Variants in TMEM117 observed in about 807,000 individuals in gnomAD.
The protein encoded by TMEM117 is transmembrane protein 117.
In TMEM117, 27 loss-of-function variants were observed where a neutral mutation model predicts 52.4. That is an observed-to-expected ratio of 0.51 (90% CI 0.38 to 0.71). TMEM117 has a LOEUF of 0.71. TMEM117 is among the 30% of genes least tolerant of loss of function. The pLI is 0.00. For missense variants in TMEM117, 556 were observed against 630.5 expected (o/e 0.88, Z 1.26); for synonymous variants, 215 against 206.3 (o/e 1.04, Z -0.36).
intron 3 of TMEM117, among the ~76,000 whole-genome samples, chr12:44,014,408 T>C (rs1443953380): frequency 2.6e-5 from 4 of 152,096 alleles, no homozygotes. Context: ...TCTCATAACC[T>C]AACATGAAGT....
intron 5 of TMEM117, among the ~76,000 whole-genome samples, chr12:44,294,702 C>T (rs1182591578): frequency 3.3e-5 from 5 of 152,108 alleles, no homozygotes; most frequent in African/African-American, 1.2e-4. Flanking sequence ...ACACAAACTG[C>T]AATACCACAC....
At chr12:44,191,090 A>G (rs942908520) in intron 4 of TMEM117, among the ~76,000 whole-genome samples, 42 of 152,034 alleles carry the variant, frequency 2.8e-4, no homozygotes, top group African/African-American at 9.6e-4. Flanking sequence ...GAAACTTACA[A>G]TCATGGTGGA....
At chr12:44,391,198 TTATAAAG>T (rs1388429850), downstream of TMEM117, among the ~76,000 whole-genome samples, 1 of 152,116 alleles carries the variant, frequency 6.6e-6, no homozygotes, top group Non-Finnish European at 1.5e-5. Flanking sequence ...TATCCTACAT[TTATAAAG>T]TACTTCATTA....
At chr12:44,078,829 A>G (rs1250227410) in intron 3 of TMEM117, among the ~76,000 whole-genome samples, 2 of 151,782 alleles carry the variant, frequency 1.3e-5, no homozygotes, top group Non-Finnish European at 2.9e-5. Flanking sequence ...CACCTACATT[A>G]GGTATTTCTT....
chr12:44,024,286 G>A (rs141942640), intron 3 of TMEM117, among the ~76,000 whole-genome samples: 1 of 152,302 alleles, frequency 6.6e-6, no homozygotes, highest in East Asian at 1.9e-4. Context: ...CAGCAGAAAT[G>A]CCTTTGATGG....
At chr12:43,870,448 G>A (rs1406402774) in intron 2 of TMEM117, among the ~76,000 whole-genome samples, 2 of 151,808 alleles carry the variant, frequency 1.3e-5, no homozygotes, top group Non-Finnish European at 2.9e-5. Context: ...TAGTAGAGAC[G>A]GGATTTCACC....
intron 6 of TMEM117, among the ~76,000 whole-genome samples, chr12:44,354,700 A>G (rs1317762694): frequency 6.6e-6 from 1 of 151,948 alleles, no homozygotes; most frequent in Non-Finnish European, 1.5e-5. Flanking sequence ...TGACAAACCC[A>G]CAGCCAATAT....
At chr12:44,144,919 A>G (rs1374523126) in intron 4 of TMEM117, among the ~76,000 whole-genome samples, 9 of 152,308 alleles carry the variant, frequency 5.9e-5, no homozygotes, top group African/African-American at 1.7e-4. Flanking sequence ...GCACTTTGGG[A>G]GGCCGAGGCG....
chr12:43,895,450 A>G (rs1944182732), intron 2 of TMEM117, among the ~76,000 whole-genome samples: 4 of 152,208 alleles, frequency 2.6e-5, no homozygotes, highest in Admixed American at 2.6e-4. Context: ...ATAGTGCAGC[A>G]ATGAACATAT....
At chr12:43,933,422 C>T (rs964416792) in intron 2 of TMEM117, among the ~76,000 whole-genome samples, 7 of 151,882 alleles carry the variant, frequency 4.6e-5, no homozygotes, top group Admixed American at 2.0e-4. Context: ...AGGATGGTCT[C>T]GATCTCCTGA....
intron 1 of TMEM117, among the ~76,000 whole-genome samples, chr12:43,837,893 A>G (rs1383689804): frequency 6.6e-6 from 1 of 152,192 alleles, no homozygotes; most frequent in Non-Finnish European, 1.5e-5. Flanking sequence ...GGGAAGAAAA[A>G]TCACTTAAAG....
At chr12:43,978,503 A>C (rs1945709495) in intron 3 of TMEM117, among the ~76,000 whole-genome samples, 1 of 152,170 alleles carries the variant, frequency 6.6e-6, no homozygotes, top group South Asian at 2.1e-4. Flanking sequence ...GTCTCCACCA[A>C]ACAGCCACTT....
At chr12:44,334,432 A>G (rs918176062) in intron 6 of TMEM117, among the ~76,000 whole-genome samples, 4 of 152,048 alleles carry the variant, frequency 2.6e-5, no homozygotes, top group Non-Finnish European at 5.9e-5. Context: ...TTAGGAGTAC[A>G]TGATTGTCGT....
At chr12:43,875,039 T>C (rs1943770020) in intron 2 of TMEM117, among the ~76,000 whole-genome samples, 1 of 152,250 alleles carries the variant, frequency 6.6e-6, no homozygotes, top group Admixed American at 6.5e-5. Context: ...ACAAACTGTG[T>C]TAATTATCTT....
At chr12:44,209,481 G>A (rs1370076418) in intron 4 of TMEM117, among the ~76,000 whole-genome samples, 4 of 152,018 alleles carry the variant, frequency 2.6e-5, no homozygotes, top group Non-Finnish European at 4.4e-5. Flanking sequence ...TAAGCAAAAA[G>A]TGTTTTCCTT....
At chr12:43,938,173 A>G (rs866967594) in intron 2 of TMEM117, among the ~76,000 whole-genome samples, 3 of 151,314 alleles carry the variant, frequency 2.0e-5, no homozygotes, top group Non-Finnish European at 4.4e-5. Flanking sequence ...CAGCATATCT[A>G]GTTGTGATGG....
At chr12:43,831,846 CTTCT>C (rs1346075525), upstream of TMEM117, among the ~76,000 whole-genome samples, 1 of 151,940 alleles carries the variant, frequency 6.6e-6, no homozygotes, top group African/African-American at 2.4e-5. Context: ...CCCGGCCTTA[CTTCT>C]TTCTGTTTTT....
intron 5 of TMEM117, among the ~76,000 whole-genome samples, chr12:44,235,614 A>G (rs1254209987): frequency 6.6e-6 from 1 of 151,730 alleles, no homozygotes; most frequent in Non-Finnish European, 1.5e-5. Flanking sequence ...TCTTACATTC[A>G]CTTATTTTCC....
At chr12:44,097,677 G>T (rs892915426) in intron 3 of TMEM117, among the ~76,000 whole-genome samples, 1 of 146,272 alleles carries the variant, frequency 6.8e-6, no homozygotes, top group Non-Finnish European at 1.5e-5. Context: ...AGAACACATG[G>T]ACATAGGAAG....
Sources: gnomAD v4.1 joint callset for allele counts (sites outside exome capture counted in the v4.1 genomes callset) on GRCh38, gnomAD v4.1.1 for gene constraint, MANE v1.5 for transcripts, NCBI Gene and HGNC (gene_info 2026-07-23, HGNC 2026-07-21) for gene names.